Variants in NEK11 observed in about 807,000 individuals in gnomAD.
NEK11 encodes the protein serine/threonine-protein kinase Nek11.
Under a neutral mutation model 80.7 loss-of-function variants are expected in NEK11, and 72 were observed. The ratio of observed to expected loss-of-function variants is 0.89; its 90% CI spans 0.74 to 1.08. The LOEUF is 1.08. Ranked by LOEUF, NEK11 falls within the 50% of genes least tolerant of loss-of-function variation. The pLI is 0.00. For synonymous variants in NEK11, 251 were observed against 260.7 expected (o/e 0.96, Z 0.36); for missense variants, 764 against 763.6 (o/e 1.00, Z -0.01).
chr3:131,170,142 G>C (rs766263155), intron 13 of NEK11, among the ~76,000 whole-genome samples: 1 of 152,106 alleles, frequency 6.6e-6, no homozygotes, highest in Non-Finnish European at 1.5e-5. Context: ...AAGAAAAATA[G>C]ATCAACTCAG....
At chr3:131,203,143 G>A (rs1005018006) in intron 14 of NEK11, among the ~76,000 whole-genome samples, 1 of 152,062 alleles carries the variant, frequency 6.6e-6, no homozygotes, top group Non-Finnish European at 1.5e-5. Context: ...TGTTTATTGT[G>A]GCACTATTCA....
chr3:131,106,689 T>C (rs540249774), intron 4 of NEK11, among the ~76,000 whole-genome samples: 1 of 152,168 alleles, frequency 6.6e-6, no homozygotes, highest in Non-Finnish European at 1.5e-5. Context: ...GTTTAAGGAA[T>C]ACCTATTTTA....
At chr3:131,171,451 T>A (rs567547962) in intron 14 of NEK11, among the ~76,000 whole-genome samples, 2 of 152,308 alleles carry the variant, frequency 1.3e-5, no homozygotes, top group South Asian at 4.1e-4. Context: ...TCACTTGGAA[T>A]AAGACTTTAA....
chr3:131,169,057 G>A (rs1361710910), intron 13 of NEK11, 120 bp downstream of exon 13: 1 of 615,662 alleles, frequency 1.6e-6, no homozygotes, highest in East Asian at 3.0e-5. Context: ...GGTTTTAAAT[G>A]TAGCAGGAAA....
chr3:131,103,169 C>T (rs1578295118), intron 4 of NEK11, among the ~76,000 whole-genome samples: 1 of 152,306 alleles, frequency 6.6e-6, no homozygotes, highest in Non-Finnish European at 1.5e-5. Flanking sequence ...TCTGTCATTT[C>T]AGTCACTTTT....
chr3:131,330,195 A>G (rs554360459), intron 17 of NEK11: 4 of 152,262 alleles, frequency 2.6e-5, no homozygotes, highest in African/African-American at 9.6e-5. Flanking sequence ...AATCAAAGAT[A>G]ACTCAGGTTT....
intron 17 of NEK11, among the ~76,000 whole-genome samples, chr3:131,291,786 G>A (rs1394576571): frequency 6.6e-6 from 1 of 151,994 alleles, no homozygotes; most frequent in Non-Finnish European, 1.5e-5. Flanking sequence ...TTTTTAGTTA[G>A]GTTGTTTGTT....
chr3:131,155,637 T>C (rs530910486), intron 10 of NEK11, among the ~76,000 whole-genome samples: 1 of 152,350 alleles, frequency 6.6e-6, no homozygotes, highest in South Asian at 2.1e-4. Flanking sequence ...AACTTCTCTC[T>C]CCTACCTCGT....
chr3:131,346,131 C>T (rs1272803221), intron 17 of NEK11, among the ~76,000 whole-genome samples: 3 of 151,868 alleles, frequency 2.0e-5, no homozygotes, highest in Admixed American at 1.3e-4. Context: ...AATATGAGGA[C>T]TAAAATTAAT....
rs1031542820 is a variant in NEK11, at chr3:131,175,272, G to A, written c.1399+4385G>A. On this transcript the variant is annotated intron_variant, in intron 14 of 17. Transcript: ENST00000383366. The stretch of plus-strand genomic sequence containing the variant: ...CACTTTTAGATAGTTATCTGAAAAT[G>A]CATCTACAAGAAGACCTGTTCACAA... 6.6e-5 allele frequency: 18 copies of A among 271,178 alleles called. No homozygotes were observed. The South Asian group carries it at 2.6e-3, about 39-fold the overall frequency. The allele number at this position is 271,178 out of a possible 1,614,324, so 16.8% of individuals were successfully genotyped here.
intron 4 of NEK11, among the ~76,000 whole-genome samples, chr3:131,085,393 C>T (rs185682718): frequency 6.6e-6 from 1 of 152,054 alleles, no homozygotes. Flanking sequence ...TGTGGCATAA[C>T]AGAGATAATA....
intron 4 of NEK11, among the ~76,000 whole-genome samples, chr3:131,099,341 T>C (rs1451023036): frequency 6.6e-6 from 1 of 152,242 alleles, no homozygotes. Flanking sequence ...TCTGTTCTTG[T>C]ACTAGTATCA....
intron 7 of NEK11, among the ~76,000 whole-genome samples, chr3:131,135,405 A>T (rs2085372088): frequency 6.6e-6 from 1 of 152,176 alleles, no homozygotes; most frequent in East Asian, 1.9e-4. Flanking sequence ...AGAAAACCCA[A>T]ACCAAATAAA....
At chr3:131,326,338 T>TCAAGC (rs1219187922) in intron 17 of NEK11, 1 of 152,340 alleles carries the variant, frequency 6.6e-6, no homozygotes, top group African/African-American at 2.4e-5. Context: ...CATGGCAAAG[T>TCAAGC]CAAGCCCCCT....
chr3:131,114,576 C>A (rs1361382452), intron 5 of NEK11, among the ~76,000 whole-genome samples: 2 of 152,194 alleles, frequency 1.3e-5, no homozygotes, highest in Non-Finnish European at 2.9e-5. Context: ...CTTGCTCAGA[C>A]ATGACAATCA....
At chr3:131,187,556 T>A (rs1018131702) in intron 14 of NEK11, among the ~76,000 whole-genome samples, 9 of 152,192 alleles carry the variant, frequency 5.9e-5, no homozygotes, top group African/African-American at 2.2e-4. Flanking sequence ...TTCTCCTTTT[T>A]CATAGAGAAG....
At chr3:131,147,885 A>G (rs1393917223) in intron 7 of NEK11, among the ~76,000 whole-genome samples, 2 of 151,934 alleles carry the variant, frequency 1.3e-5, no homozygotes, top group African/African-American at 4.8e-5. Context: ...CACCTTCATT[A>G]CAATGTTGAA....
At chr3:131,348,969 T>G (rs1214174605) in intron 17 of NEK11, among the ~76,000 whole-genome samples, 1 of 152,120 alleles carries the variant, frequency 6.6e-6, no homozygotes, top group African/African-American at 2.4e-5. Flanking sequence ...TCATTATTAT[T>G]TTGTTATTAT....
intron 3 of NEK11, among the ~76,000 whole-genome samples, chr3:131,039,933 C>A (rs1421743005): frequency 6.6e-6 from 1 of 152,074 alleles, no homozygotes; most frequent in Non-Finnish European, 1.5e-5. Context: ...GTCAGTTATT[C>A]CTAAGCTTGG....
Sources: gnomAD v4.1 joint callset for allele counts (sites outside exome capture counted in the v4.1 genomes callset) on GRCh38, gnomAD v4.1.1 for gene constraint, MANE v1.5 for transcripts, NCBI Gene and HGNC (gene_info 2026-07-23, HGNC 2026-07-21) for gene names.